The following PDE1A variants were observed in gnomAD, a reference collection of about 807,000 sequenced individuals.
The protein encoded by PDE1A is phosphodiesterase 1A.
A neutral mutation model predicts 61.7 loss-of-function variants in PDE1A; 35 were observed. That is an observed-to-expected ratio of 0.57 (90% confidence interval 0.43 to 0.75). The LOEUF (loss-of-function observed/expected upper bound fraction) is 0.75. Ranked by LOEUF, PDE1A falls within the 30% of genes least tolerant of loss-of-function variation. PDE1A has a pLI of 0.00. For synonymous variants in PDE1A, 232 were observed against 213.2 expected, an observed-to-expected ratio of 1.09 and a Z score of -0.77; for missense variants, 597 against 630.6, an observed-to-expected ratio of 0.95 and a Z score of 0.57.
intron 7 of PDE1A, among the ~76,000 whole-genome samples, chr2:182,210,826 GTAAAGGGTA>G (rs891708743): frequency 2.2e-4 from 33 of 151,924 alleles, no homozygotes; most frequent in African/African-American, 7.7e-4. Context: ...AGTTAATTTT[GTAAAGGGTA>G]TAAGGCCTGT....
At chr2:182,257,502 A>AG (rs759172554) in intron 2 of PDE1A, among the ~76,000 whole-genome samples, 1 of 152,230 alleles carries the variant, frequency 6.6e-6, no homozygotes, top group Non-Finnish European at 1.5e-5. Context: ...TAGAAGACTG[A>AG]GACAATGGGA....
chr2:182,562,374 T>C, the PDE1A span, among the ~76,000 whole-genome samples: 2 of 147,526 alleles, frequency 1.4e-5, no homozygotes, highest in African/African-American at 4.9e-5. Context: ...TTTGCGTATA[T>C]TGAACCTGCC....
chr2:182,449,859 T>A (rs1260198247), intron 2 of PDE1A, among the ~76,000 whole-genome samples: 1 of 152,072 alleles, frequency 6.6e-6, no homozygotes, highest in Non-Finnish European at 1.5e-5. Flanking sequence ...GCTGCCCTAA[T>A]AACTGAAGAG....
At chr2:182,712,412 G>A in the PDE1A span, among the ~76,000 whole-genome samples, 1 of 152,198 alleles carries the variant, frequency 6.6e-6, no homozygotes, top group African/African-American at 2.4e-5. Flanking sequence ...GGTTATGAAG[G>A]AGAATGTCCT....
chr2:182,368,864 T>C (rs896665458), intron 1 of PDE1A, among the ~76,000 whole-genome samples: 12 of 152,210 alleles, frequency 7.9e-5, no homozygotes, highest in Admixed American at 2.6e-4. Flanking sequence ...TCCTTGCCCA[T>C]AGTGAACACT....
At chr2:182,477,859 A>T (rs1687467998) in intron 2 of PDE1A, among the ~76,000 whole-genome samples, 1 of 152,018 alleles carries the variant, frequency 6.6e-6, no homozygotes, top group South Asian at 2.1e-4. Flanking sequence ...TCACAACCCA[A>T]TCACAAAAAC....
At chr2:182,474,771 G>A (rs1687248292) in intron 2 of PDE1A, among the ~76,000 whole-genome samples, 1 of 151,766 alleles carries the variant, frequency 6.6e-6, no homozygotes, top group Non-Finnish European at 1.5e-5. Context: ...AAAGATTAAG[G>A]AGAAGACGAT....
chr2:182,378,236 A>T (rs1181149212), intron 1 of PDE1A, among the ~76,000 whole-genome samples: 2 of 152,228 alleles, frequency 1.3e-5, no homozygotes, highest in Non-Finnish European at 2.9e-5. Context: ...GCCCAACACA[A>T]AAGTTTGCAT....
chr2:182,487,769 A>C (rs62187666), intron 2 of PDE1A, among the ~76,000 whole-genome samples: 28,027 of 152,126 alleles, frequency 0.18, 2,804 homozygotes, highest in Middle Eastern at 0.31. Flanking sequence ...ATTTAAAAGG[A>C]TAAATTTTAT....
chr2:182,201,451 C>T, exon 10 of PDE1A: 1 of 1,613,782 alleles, frequency 6.2e-7, no homozygotes. Context: ...GCAGGAAAAA[C>T]TCCTCCATTA....
At chr2:182,233,751 A>G (rs1311887817) in intron 4 of PDE1A, among the ~76,000 whole-genome samples, 3 of 148,218 alleles carry the variant, frequency 2.0e-5, no homozygotes, top group South Asian at 4.3e-4. Flanking sequence ...TAGAAATAAC[A>G]TTTAGAAACA....
At chr2:182,340,529 G>A (rs1165348554) in intron 1 of PDE1A, among the ~76,000 whole-genome samples, 1 of 152,160 alleles carries the variant, frequency 6.6e-6, no homozygotes, top group Admixed American at 6.5e-5. Context: ...TTTGAAATTA[G>A]AAACAGAATA....
rs568970043 is a variant in PDE1A at position 182,370,155 on chromosome 2, C to T, written c.53+56423G>A. Among the ~76,000 whole-genome samples the T allele has an allele frequency of 7.6e-4, 114 of 149,694 alleles. 1 individual carries two copies. Among genetic ancestry groups the T allele is most frequent in the African/African-American group, 2.4e-3 (98 of 40,758 alleles). ...TCACACCACTGCACTCCAGCCTGGA[C>T]GACAGAGTGAGACTTTGTCTCAAAA... On this transcript the variant is annotated intron_variant, in intron 1 of 13. Transcript: ENST00000351439.
chr2:182,398,524 G>A (rs549383346), intron 1 of PDE1A, among the ~76,000 whole-genome samples: 1 of 151,744 alleles, frequency 6.6e-6, no homozygotes, highest in Non-Finnish European at 1.5e-5. Flanking sequence ...ATGTTCTTTT[G>A]CACAGTTGAA....
chr2:182,631,982 T>C, the PDE1A span, among the ~76,000 whole-genome samples: 1 of 152,256 alleles, frequency 6.6e-6, no homozygotes, highest in Non-Finnish European at 1.5e-5. Flanking sequence ...GATACACTGA[T>C]ACTAAATTAT....
the PDE1A span, among the ~76,000 whole-genome samples, chr2:182,626,860 CATATATATAT>C: frequency 1.2e-4 from 3 of 24,808 alleles, no homozygotes; most frequent in South Asian, 2.8e-3. Flanking sequence ...TATATATATA[CATATATATAT>C]ACATATATAT....
At chr2:182,670,311 T>A in the PDE1A span, among the ~76,000 whole-genome samples, 1 of 152,186 alleles carries the variant, frequency 6.6e-6, no homozygotes, top group Non-Finnish European at 1.5e-5. Flanking sequence ...TATTTCTCAA[T>A]CCTTAATTGC....
chr2:182,430,193 T>G (rs1703861826), upstream of PDE1A, among the ~76,000 whole-genome samples: 1 of 150,236 alleles, frequency 6.7e-6, no homozygotes, highest in Non-Finnish European at 1.5e-5. Context: ...GAGAAAATTT[T>G]CGCAACCTAC....
At chr2:182,452,340 C>A (rs959757081) in intron 2 of PDE1A, among the ~76,000 whole-genome samples, 1 of 151,982 alleles carries the variant, frequency 6.6e-6, no homozygotes. Context: ...TTTACATGCA[C>A]CTGAAGGAAA....
Sources: allele counts gnomAD v4.1 joint callset (sites outside exome capture counted in the v4.1 genomes callset), GRCh38; gene constraint gnomAD v4.1.1; transcripts MANE v1.5; gene names NCBI Gene and HGNC (gene_info 2026-07-23, HGNC 2026-07-21).